Variants in NOL4 observed in about 807,000 individuals in gnomAD.
NOL4 encodes cancer/testis antigen 125.
Under a neutral mutation model 75.9 loss-of-function variants are expected in NOL4, and 17 were observed. The ratio of observed to expected loss-of-function variants is 0.22; its 90% CI spans 0.15 to 0.34. NOL4 has a LOEUF of 0.34. Ranked by LOEUF, NOL4 falls within the 10% of genes least tolerant of loss-of-function variation. NOL4 has a pLI of 1.00. For missense variants in NOL4, 614 were observed against 793.5 expected (o/e 0.77, Z 2.72); for synonymous variants, 292 against 289.9 (o/e 1.01, Z -0.07).
intron 6 of NOL4, among the ~76,000 whole-genome samples, chr18:33,984,504 A>G (rs1157699095): frequency 6.6e-6 from 1 of 152,020 alleles, no homozygotes; most frequent in Non-Finnish European, 1.5e-5. Context: ...GTGGTTTCTC[A>G]TGGTTTAACA....
At chr18:33,943,271 C>T in intron 8 of NOL4, 93 bp from the exon 9 acceptor site, 1 of 755,140 alleles carries the variant, frequency 1.3e-6, no homozygotes. Flanking sequence ...GGATCATCAA[C>T]ATGTGCAGGA....
chr18:33,952,741 A>G (rs2069329837), intron 8 of NOL4, among the ~76,000 whole-genome samples: 1 of 152,180 alleles, frequency 6.6e-6, no homozygotes. Flanking sequence ...CCTGACCAAC[A>G]TGGAGAAACC....
At chr18:34,049,319 G>A (rs1455388949) in intron 5 of NOL4, among the ~76,000 whole-genome samples, 3 of 151,826 alleles carry the variant, frequency 2.0e-5, no homozygotes, top group Non-Finnish European at 4.4e-5. Context: ...AAGAGATCTA[G>A]TATCAAGCCA....
intron 9 of NOL4, among the ~76,000 whole-genome samples, chr18:33,927,731 T>G (rs2067429654): frequency 6.6e-6 from 1 of 152,140 alleles, no homozygotes; most frequent in Admixed American, 6.5e-5. Flanking sequence ...TAAAAAAAAG[T>G]AAAATAAATT....
chr18:34,160,937 T>A (rs945039265), intron 1 of NOL4, among the ~76,000 whole-genome samples: 24 of 152,344 alleles, frequency 1.6e-4, no homozygotes, highest in African/African-American at 5.8e-4. Context: ...ATAGGCATAA[T>A]TTTGTGTCCA....
chr18:33,939,175 T>A (rs540888886), intron 9 of NOL4, among the ~76,000 whole-genome samples: 2 of 152,266 alleles, frequency 1.3e-5, no homozygotes, highest in East Asian at 3.9e-4. Context: ...TTTTGGTTAC[T>A]GTAGCCTTGT....
At chr18:34,138,801 T>C (rs928551901) in intron 1 of NOL4, among the ~76,000 whole-genome samples, 5 of 152,198 alleles carry the variant, frequency 3.3e-5, no homozygotes, top group Non-Finnish European at 7.3e-5. Flanking sequence ...CAGTATCATA[T>C]TGGCTGTGGG....
At chr18:33,998,622 T>C (rs2073465105) in intron 6 of NOL4, among the ~76,000 whole-genome samples, 1 of 152,148 alleles carries the variant, frequency 6.6e-6, no homozygotes, top group Non-Finnish European at 1.5e-5. Context: ...AACAAAGATA[T>C]GTGCCCATAG....
intron 8 of NOL4, among the ~76,000 whole-genome samples, chr18:33,947,896 T>C (rs1461300243): frequency 6.6e-6 from 1 of 151,912 alleles, no homozygotes; most frequent in African/African-American, 2.4e-5. Flanking sequence ...AATTGGGGAC[T>C]TAAGATGTAA....
At chr18:34,071,799 A>G (rs1006888664) in intron 5 of NOL4, among the ~76,000 whole-genome samples, 15 of 152,188 alleles carry the variant, frequency 9.9e-5, no homozygotes, top group Admixed American at 8.5e-4. Context: ...TCAATTTATA[A>G]TGGGTTTATT....
At chr18:33,906,235 C>T (rs187707326) in intron 9 of NOL4, among the ~76,000 whole-genome samples, 2 of 152,280 alleles carry the variant, frequency 1.3e-5, no homozygotes, top group African/African-American at 4.8e-5. Flanking sequence ...AGGATGGAGG[C>T]ATTTCATGGC....
At chr18:34,172,728 T>C (rs961732890) in intron 1 of NOL4, among the ~76,000 whole-genome samples, 1 of 152,144 alleles carries the variant, frequency 6.6e-6, no homozygotes, top group Non-Finnish European at 1.5e-5. Context: ...TGAGGTGATA[T>C]CTCATTGTGG....
chr18:34,107,132 C>A (rs2145703657), intron 2 of NOL4, among the ~76,000 whole-genome samples: 1 of 152,222 alleles, frequency 6.6e-6, no homozygotes, highest in South Asian at 2.1e-4. Flanking sequence ...GCTAATGAAG[C>A]ACTTGTGTAG....
intron 3 of NOL4, among the ~76,000 whole-genome samples, chr18:34,104,560 A>T (rs906054932): frequency 5.3e-5 from 8 of 152,038 alleles, no homozygotes; most frequent in Admixed American, 3.3e-4. Context: ...TGAGCCAGCA[A>T]AAAATGTATC....
chr18:33,855,165 C>T (rs1017723211), intron 10 of NOL4, among the ~76,000 whole-genome samples: 1 of 151,938 alleles, frequency 6.6e-6, no homozygotes, highest in Non-Finnish European at 1.5e-5. Flanking sequence ...TCCATGTCTT[C>T]ACTACTATGG....
chr18:34,155,766 A>G (rs2030267229), intron 1 of NOL4, among the ~76,000 whole-genome samples: 1 of 152,120 alleles, frequency 6.6e-6, no homozygotes, highest in South Asian at 2.1e-4. Context: ...TGTACTAAGG[A>G]GTGTTTCCTA....
At position 34,118,432 on chromosome 18, in the gene NOL4, T is replaced by A. The variant is rs531035828; in HGVS notation, c.414+11439A>T. 3.3e-5 allele frequency among the ~76,000 whole-genome samples: 5 copies of A among 152,292 alleles called. No individual in the cohort carries two copies. In the East Asian group the frequency reaches 9.6e-4, roughly 29 times the overall value. On this transcript the variant is annotated intron_variant, in intron 2 of 10. Coordinates refer to ENST00000261592, the MANE Select transcript of NOL4 (RefSeq NM_003787.5). ...TAAATTAAGATATAGAAAATTTATT[T>A]GTAAAACATAAAATTGAAATTAAAT...
chr18:34,085,367 T>C (rs1021433459), intron 5 of NOL4, among the ~76,000 whole-genome samples: 1 of 152,124 alleles, frequency 6.6e-6, no homozygotes, highest in Non-Finnish European at 1.5e-5. Context: ...GCAAACACTG[T>C]CAAGAAGATA....
In NOL4 at chr18:34,107,656, T is replaced by C. The variant is rs1211747920; in HGVS notation, c.415-2496A>G. 4.0e-5 allele frequency among the ~76,000 whole-genome samples: 6 copies of C among 148,280 alleles called. No homozygotes were observed. In the East Asian group the frequency reaches 1.2e-3, roughly 29 times the overall value. ...TCTCATACTCATTTCTGAAAAAAAATATTTCTCCTGCAACGCACGTAAAGA... is the reference window on the plus strand; with the variant it reads ...TCTCATACTCATTTCTGAAAAAAAACATTTCTCCTGCAACGCACGTAAAGA... On this transcript the variant is annotated intron_variant, in intron 2 of 10. Coordinates refer to ENST00000261592, the MANE Select transcript of NOL4 (RefSeq NM_003787.5).
Sources: gnomAD v4.1 joint callset for allele counts (sites outside exome capture counted in the v4.1 genomes callset) on GRCh38, gnomAD v4.1.1 for gene constraint, MANE v1.5 for transcripts, NCBI Gene and HGNC (gene_info 2026-07-23, HGNC 2026-07-21) for gene names.